The following PPP1R14C variants were observed in gnomAD, a reference collection of about 807,000 sequenced individuals.
PPP1R14C encodes protein phosphatase 1 regulatory subunit 14C.
In PPP1R14C, 16 loss-of-function variants were observed where a neutral mutation model predicts 20.4. The ratio of observed to expected loss-of-function variants is 0.78; its 90% CI spans 0.53 to 1.19. PPP1R14C has a LOEUF of 1.19. PPP1R14C is among the 50% of genes most tolerant of loss of function. PPP1R14C has a pLI of 0.00. For missense variants in PPP1R14C, 211 were observed against 220.1 expected (o/e 0.96, Z 0.26); for synonymous variants, 91 against 91.0 (o/e 1.00, Z 0.00).
At position 150,250,120 on chromosome 6, in the gene PPP1R14C, C is replaced by G. The variant is rs9397229; in HGVS notation, c.*1300C>G. 2,230 of 152,658 alleles carry G rather than the reference C, an allele frequency of 0.015. 36 individuals are homozygous for G. Among genetic ancestry groups the G allele is most frequent in the East Asian group, 0.1 (516 of 5,168 alleles). The allele number at this position is 152,658 out of a possible 1,614,324, so 9.5% of individuals were successfully genotyped here. A position where few individuals can be genotyped will look rare whatever the true frequency, so the allele number is the denominator to read the frequency against. On this transcript the variant is annotated 3_prime_UTR_variant, in exon 4 of 4. Transcript: ENST00000361131. ...AGTAGAAACCCTTCCCTCCAGGAGG[C>G]CCCCGCTGACTCCCACAGAAACCCA...
intron 3 of PPP1R14C, among the ~76,000 whole-genome samples, chr6:150,236,584 C>A (rs979735588): frequency 7.0e-6 from 1 of 143,410 alleles, no homozygotes; most frequent in Non-Finnish European, 1.5e-5. Context: ...GGAGGAGGAG[C>A]TGAAAGCGGA....
chr6:150,151,847 G>A (rs1294407570), intron 1 of PPP1R14C, among the ~76,000 whole-genome samples: 1 of 152,132 alleles, frequency 6.6e-6, no homozygotes, highest in Non-Finnish European at 1.5e-5. Context: ...GCGGCCGGGC[G>A]CGGTGGCTCA....
intron 1 of PPP1R14C, among the ~76,000 whole-genome samples, chr6:150,212,924 G>A (rs1209611162): frequency 6.6e-6 from 1 of 152,194 alleles, no homozygotes; most frequent in Non-Finnish European, 1.5e-5. Flanking sequence ...ACTCTGTGAT[G>A]TTTGCCCAAC....
chr6:150,212,985 C>T (rs146979043), intron 1 of PPP1R14C, among the ~76,000 whole-genome samples: 9 of 152,324 alleles, frequency 5.9e-5, no homozygotes, highest in African/African-American at 1.9e-4. Context: ...ATCATCAAAG[C>T]GTTTCAACTT....
intron 1 of PPP1R14C, among the ~76,000 whole-genome samples, chr6:150,208,168 A>G (rs1276649642): frequency 6.6e-6 from 1 of 152,180 alleles, no homozygotes; most frequent in Admixed American, 6.5e-5. Flanking sequence ...CTGGGGACCA[A>G]ATTCACCCTG....
At chr6:150,222,383 C>G (rs1013883447) in intron 3 of PPP1R14C, among the ~76,000 whole-genome samples, 1 of 152,160 alleles carries the variant, frequency 6.6e-6, no homozygotes, top group Non-Finnish European at 1.5e-5. Context: ...ATGTACACAG[C>G]CTCCCCAATT....
intron 1 of PPP1R14C, among the ~76,000 whole-genome samples, chr6:150,205,748 C>T (rs60160400): frequency 0.01 from 1,510 of 149,176 alleles, 24 homozygotes; most frequent in African/African-American, 0.036. Context: ...GCCGAGATAG[C>T]ACCACTACAC....
At chr6:150,155,279 A>G (rs1179070623) in intron 1 of PPP1R14C, among the ~76,000 whole-genome samples, 1 of 152,230 alleles carries the variant, frequency 6.6e-6, no homozygotes, top group Non-Finnish European at 1.5e-5. Context: ...GATAACAAGA[A>G]AAACTTAAGA....
rs183094940 is a variant in PPP1R14C at position 150,189,785 on chromosome 6, C to A, written c.307-24959C>A. 3.1e-4 allele frequency among the ~76,000 whole-genome samples: 47 copies of A among 152,300 alleles called. No individual in the cohort carries two copies. In the East Asian group the frequency reaches 8.3e-3, roughly 27 times the overall value. ...ACAGAATGCTTTATTATCAAGCACACCTCTGGATAAAACTGTGGATTCCTT... is the reference window on the plus strand; with the variant it reads ...ACAGAATGCTTTATTATCAAGCACAACTCTGGATAAAACTGTGGATTCCTT... On this transcript the variant is annotated intron_variant, in intron 1 of 3. Transcript: ENST00000361131.
intron 3 of PPP1R14C, among the ~76,000 whole-genome samples, chr6:150,245,205 T>G (rs1778477539): frequency 6.6e-6 from 1 of 152,188 alleles, no homozygotes; most frequent in Admixed American, 6.5e-5. Context: ...GTCTACCCAC[T>G]TGTTTCCATC....
intron 1 of PPP1R14C, among the ~76,000 whole-genome samples, chr6:150,163,259 C>T (rs9322249): frequency 0.83 from 126,559 of 151,888 alleles, 52,932 homozygotes; most frequent in East Asian, 0.91. Context: ...GGCATGGTGG[C>T]GGGCGCCTGT....
chr6:150,206,530 A>G (rs918653559), intron 1 of PPP1R14C, among the ~76,000 whole-genome samples: 1 of 152,098 alleles, frequency 6.6e-6, no homozygotes, highest in Non-Finnish European at 1.5e-5. Flanking sequence ...GAGCACTGGT[A>G]TTTGTTTTAC....
intron 1 of PPP1R14C, among the ~76,000 whole-genome samples, chr6:150,204,315 T>G (rs11155714): frequency 0.17 from 26,001 of 152,262 alleles, 2,729 homozygotes; most frequent in Non-Finnish European, 0.21. Flanking sequence ...TGTTTAGTGT[T>G]CATAAGCAGA....
intron 1 of PPP1R14C, among the ~76,000 whole-genome samples, chr6:150,172,285 A>G (rs928365384): frequency 3.3e-5 from 5 of 152,226 alleles, no homozygotes; most frequent in Admixed American, 6.5e-5. Flanking sequence ...AAGTCACTCT[A>G]GATGGGAAAT....
At chr6:150,206,967 C>T (rs113311582) in intron 1 of PPP1R14C, among the ~76,000 whole-genome samples, 3,159 of 151,822 alleles carry the variant, frequency 0.021, 102 homozygotes, top group African/African-American at 0.072. Flanking sequence ...CGAGTTCCTG[C>T]GATTCTCCTG....
intron 1 of PPP1R14C, among the ~76,000 whole-genome samples, chr6:150,206,324 G>T (rs79532251): frequency 0.054 from 8,269 of 152,232 alleles, 332 homozygotes; most frequent in Middle Eastern, 0.085. Context: ...CCCCATTAGA[G>T]TTTAATCCCC....
At chr6:150,191,512 A>T (rs1777746241) in intron 1 of PPP1R14C, among the ~76,000 whole-genome samples, 1 of 152,230 alleles carries the variant, frequency 6.6e-6, no homozygotes, top group African/African-American at 2.4e-5. Flanking sequence ...TGTCTCTCAG[A>T]GCATCCGCAG....
chr6:150,168,567 A>AAAC (rs1777463419), intron 1 of PPP1R14C, among the ~76,000 whole-genome samples: 1 of 142,544 alleles, frequency 7.0e-6, no homozygotes, highest in Admixed American at 7.4e-5. Context: ...AAAACAAAAA[A>AAAC]ACCCTTGATT....
chr6:150,201,249 A>T lies in PPP1R14C; in HGVS notation c.307-13495A>T, dbSNP rs1317113087. Among the ~76,000 whole-genome samples, 1 of 152,204 alleles carries T rather than the reference A, an allele frequency of 6.6e-6. No homozygotes were observed. Among genetic ancestry groups the T allele is most frequent in the Non-Finnish European group, 1.5e-5 (1 of 68,036 alleles). On this transcript the variant is annotated intron_variant, in intron 1 of 3. Transcript: ENST00000361131. This position sits in a 1 kb window ranked among gnomAD's most constrained non-coding sequence, Gnocchi z 4.2. ...CAGGCACTGCTCTTGGTCCTCCAGT[A>T]TGGGGAGGCAGACTGAGAAATGTGA...
Sources: allele counts gnomAD v4.1 joint callset (sites outside exome capture counted in the v4.1 genomes callset), GRCh38; gene constraint gnomAD v4.1.1; non-coding constraint Gnocchi (gnomAD v3.1); transcripts MANE v1.5; gene names NCBI Gene and HGNC (gene_info 2026-07-23, HGNC 2026-07-21).